CASS4: variants seen among roughly 807,000 people sequenced by gnomAD.
CASS4 encodes the protein cas scaffolding protein family member 4.
A neutral mutation model predicts 54.2 loss-of-function variants in CASS4; 22 were observed. That is an observed-to-expected ratio of 0.41 (90% CI 0.29 to 0.58). The LOEUF (loss-of-function observed/expected upper bound fraction) is 0.58. CASS4 is among the 20% of genes least tolerant of loss of function. The probability of loss-of-function intolerance (pLI) is 0.36; values close to 1 mark genes in which losing one functional copy is unlikely to be tolerated. For synonymous variants in CASS4, 409 were observed against 391.5 expected (o/e 1.04, Z -0.53); for missense variants, 854 against 986.7 (o/e 0.87, Z 1.80).
At chr20:56,436,075 A>G (rs1388271009) in intron 1 of CASS4, among the ~76,000 whole-genome samples, 2 of 152,062 alleles carry the variant, frequency 1.3e-5, no homozygotes, top group Admixed American at 6.6e-5. Flanking sequence ...TTATTAATGA[A>G]CATTTACTGA....
At chr20:56,420,696 A>G (rs1569135395) in intron 1 of CASS4, among the ~76,000 whole-genome samples, 1 of 151,790 alleles carries the variant, frequency 6.6e-6, no homozygotes, top group Non-Finnish European at 1.5e-5. Context: ...CACCCGGCCC[A>G]GGTTCAAAAG....
chr20:56,438,585 G>A (rs1299847817), intron 2 of CASS4, among the ~76,000 whole-genome samples: 2 of 152,120 alleles, frequency 1.3e-5, no homozygotes, highest in Non-Finnish European at 2.9e-5. Flanking sequence ...GAGGCAGGGC[G>A]CAATGGCTCA....
At chr20:56,449,360 C>T (rs910782259) in intron 3 of CASS4, among the ~76,000 whole-genome samples, 2 of 151,490 alleles carry the variant, frequency 1.3e-5, no homozygotes, top group African/African-American at 4.9e-5. Flanking sequence ...ATTGCAAGGA[C>T]AGAAAACCAA....
intron 1 of CASS4, among the ~76,000 whole-genome samples, chr20:56,433,868 C>CT (rs1158949905): frequency 6.6e-6 from 1 of 152,132 alleles, no homozygotes; most frequent in African/African-American, 2.4e-5. Flanking sequence ...CTTTGGGGAC[C>CT]TTTTTTCTAT....
Position 56,450,679 on chromosome 20 carries a change from T to A in CASS4, c.642T>A (p.Ser214Arg). Residue 214 changes from serine to arginine, a missense_variant and splice_region_variant, in exon 4 of 6, where the codon AGT becomes AGA. By Grantham distance (110) the Ser-to-Arg change is moderately radical. Transcript: ENST00000679887. ...TCCATCCCCCAGACAGCCAAGCAAG[T>A]GTAAGTATGAAGAGGTGCTAAGGTG... The part of the protein sequence containing the change: ...AGLHPPDSQA[S>R]GQGVPLISVT... The A allele has an allele frequency of 5.0e-6, 8 of 1,613,738 alleles. No homozygotes were observed. Among genetic ancestry groups the A allele is most frequent in the Non-Finnish European group, 6.8e-6 (8 of 1,179,812 alleles).
At chr20:56,433,022 C>A (rs1979989816) in intron 1 of CASS4, among the ~76,000 whole-genome samples, 1 of 152,252 alleles carries the variant, frequency 6.6e-6, no homozygotes, top group Non-Finnish European at 1.5e-5. Context: ...GCCTCTCTTT[C>A]ATTCATTAAT....
rs545053231 is a variant in CASS4 at position 56,443,732 on chromosome 20, G to A, written c.460-2168G>A. Among the ~76,000 whole-genome samples the A allele has an allele frequency of 2.0e-4, 30 of 152,250 alleles. 1 individual carries two copies. The highest frequency in any genetic ancestry group is 6.5e-4 in the African/African-American group (27 of 41,538). ...TAGGCTCTGTGCACAACACGGCAGC[G>A]TGCAGGCTGGACGAGGGCCGCTCTC... On this transcript the variant is annotated intron_variant, in intron 2 of 5. Coordinates refer to ENST00000679887, the MANE Select transcript of CASS4 (RefSeq NM_020356.4).
chr20:56,450,520 C>G, intron 3 of CASS4, 79 bp from the exon 4 acceptor site: 1 of 1,295,602 alleles, frequency 7.7e-7, no homozygotes, highest in Non-Finnish European at 1.1e-6. Flanking sequence ...GAAAAAAACA[C>G]TGGAATAGGG....
At chr20:56,418,148 T>G (rs890894046) in intron 1 of CASS4, among the ~76,000 whole-genome samples, 1 of 151,916 alleles carries the variant, frequency 6.6e-6, no homozygotes, top group Non-Finnish European at 1.5e-5. Flanking sequence ...TGGTTTCAGG[T>G]GGTGAGAACT....
Position 56,458,579 on chromosome 20 carries a change from C to G in CASS4, c.2193C>G (p.Asn731Lys). Residue 731 changes from asparagine (N) to lysine (K), a missense_variant, in exon 6 of 6, where the codon AAC (asparagine) becomes AAG (lysine). Transcript: ENST00000679887. ...AGACCCAGGAGAGGGACGTGCGCAA[C>G]GAGATCCTCCGTGGCAGCAGTCACC... ...CMETQERDVR[N>K]EILRGSSHLC... 10 of 1,613,550 alleles carry G rather than the reference C, an allele frequency of 6.2e-6. No homozygotes were observed. Among genetic ancestry groups the G allele is most frequent in the Non-Finnish European group, 7.6e-6 (9 of 1,179,670 alleles).
intron 1 of CASS4, among the ~76,000 whole-genome samples, chr20:56,429,320 T>C (rs1312059691): frequency 6.6e-6 from 1 of 152,154 alleles, no homozygotes; most frequent in African/African-American, 2.4e-5. Context: ...CCTGCTCTTC[T>C]TCCAAGCATC....
intron 3 of CASS4, among the ~76,000 whole-genome samples, chr20:56,449,282 A>G (rs1980877817): frequency 6.6e-6 from 1 of 152,254 alleles, no homozygotes; most frequent in Non-Finnish European, 1.5e-5. Context: ...TGCAGCCATA[A>G]AAAACGATGA....
chr20:56,449,305 T>C (rs1046667294), intron 3 of CASS4, among the ~76,000 whole-genome samples: 1 of 152,220 alleles, frequency 6.6e-6, no homozygotes, highest in Non-Finnish European at 1.5e-5. Context: ...TCATGTCCTT[T>C]GTAGGAACAT....
chr20:56,450,525 A>G, intron 3 of CASS4, 74 bp from the exon 4 acceptor site: 1 of 1,335,130 alleles, frequency 7.5e-7, no homozygotes, highest in Non-Finnish European at 1.1e-6. Flanking sequence ...AAACACTGGA[A>G]TAGGGAGTGT....
intron 1 of CASS4, among the ~76,000 whole-genome samples, chr20:56,429,735 C>T (rs1212561143): frequency 6.6e-6 from 1 of 152,146 alleles, no homozygotes. Context: ...AACTCCTTAT[C>T]TAACTCCTCC....
intron 4 of CASS4, among the ~76,000 whole-genome samples, chr20:56,450,902 T>A (rs1980963821): frequency 6.6e-6 from 1 of 151,448 alleles, no homozygotes; most frequent in Non-Finnish European, 1.5e-5. Flanking sequence ...GGTGTGGTAG[T>A]GGGCGCCTGT....
chr20:56,438,087 G>T (rs570724186), intron 2 of CASS4, among the ~76,000 whole-genome samples: 2 of 152,038 alleles, frequency 1.3e-5, no homozygotes, highest in Non-Finnish European at 2.9e-5. Context: ...CTCAGAGTTC[G>T]GGACCAGCCT....
Position 56,452,583 on chromosome 20 carries a change from A to C in CASS4, c.1407A>C (p.Arg469=), listed in dbSNP as rs1390570687. The C allele has an allele frequency of 6.2e-7, 1 of 1,614,142 alleles. No homozygotes were observed. Among genetic ancestry groups the C allele is most frequent in the South Asian group, 1.1e-5 (1 of 91,074 alleles). ...MLFVSRKWRF[R]DYLEANIDAI... Reference sequence around the variant, plus strand: ...TTGTCAGCAGGAAGTGGAGATTCCGAGACTATCTGGAGGCCAACATTGATG... The same window carrying C: ...TTGTCAGCAGGAAGTGGAGATTCCGCGACTATCTGGAGGCCAACATTGATG... Residue 469 remains arginine (R), a synonymous_variant, in exon 5 of 6, where the codon CGA becomes CGC. Coordinates refer to ENST00000679887, the MANE Select transcript of CASS4 (RefSeq NM_020356.4).
chr20:56,419,464 C>A (rs1379664664), intron 1 of CASS4, among the ~76,000 whole-genome samples: 1 of 152,024 alleles, frequency 6.6e-6, no homozygotes, highest in East Asian at 1.9e-4. Context: ...CCACACCACC[C>A]CCGCTCAGGC....
Sources: gnomAD v4.1 joint callset for allele counts (sites outside exome capture counted in the v4.1 genomes callset) on GRCh38, gnomAD v4.1.1 for gene constraint, MANE v1.5 for transcripts, NCBI Gene and HGNC (gene_info 2026-07-23, HGNC 2026-07-21) for gene names.